The following DTNB variants were observed in gnomAD, a reference collection of about 807,000 sequenced individuals.
DTNB encodes dystrobrevin beta.
DTNB carries 63 observed loss-of-function variants against 90.7 expected under a neutral mutation model. The ratio of observed to expected loss-of-function variants is 0.69; its 90% CI spans 0.57 to 0.86. The LOEUF (loss-of-function observed/expected upper bound fraction) is 0.86. DTNB is among the 40% of genes least tolerant of loss of function. The pLI, the probability that DTNB is intolerant of heterozygous loss-of-function variation, is 0.00. For synonymous variants in DTNB, 277 were observed against 286.7 expected (o/e 0.97, Z 0.34); for missense variants, 744 against 807.1 (o/e 0.92, Z 0.95).
Position 25,383,885 on chromosome 2 carries a change from C to T in DTNB, c.1830G>A (p.Glu610=). The T allele has an allele frequency of 6.2e-7, 1 of 1,614,078 alleles. No individual in the cohort carries two copies. The highest frequency in any genetic ancestry group is 8.5e-7 in the Non-Finnish European group (1 of 1,179,904). Residue 610 remains glutamate, a synonymous_variant, in exon 19 of 21, where the codon GAG becomes GAA. Coordinates refer to ENST00000406818, the MANE Select transcript of DTNB (RefSeq NM_021907.5). ...TCTCTTCTTCTTCCTCTGCACCTTC[C>T]TCTGCTGTGAAAACAAGTCCAAGGA... ...SSLVKELHSA[E]EGAEEEEEKM...
Position 25,437,301 on chromosome 2 carries a change from G to A in DTNB, c.1258-3306C>T, listed in dbSNP as rs1015948185. On this transcript the variant is annotated intron_variant, in intron 12 of 20. Coordinates refer to ENST00000406818, the MANE Select transcript of DTNB (RefSeq NM_021907.5). Reference sequence around the variant, plus strand: ...TTTTGAGACAGAATCTTGCTGTGTCGCCCAAGCTGGAGTGCAGTGGCATGA... The same window carrying A: ...TTTTGAGACAGAATCTTGCTGTGTCACCCAAGCTGGAGTGCAGTGGCATGA... Among the ~76,000 whole-genome samples the A allele has an allele frequency of 6.0e-5, 9 of 150,516 alleles. No homozygotes were observed. The South Asian group carries it at 1.1e-3, about 18-fold the overall frequency.
chr2:25,410,851 C>T lies in DTNB; in HGVS notation c.1575+8664G>A, dbSNP rs557057056. ...AAAACGTATCTGGCCTGTGACACAACCCTCAGGAGATCCTGAGAACACATG... is the reference window on the plus strand; with the variant it reads ...AAAACGTATCTGGCCTGTGACACAATCCTCAGGAGATCCTGAGAACACATG... On this transcript the variant is annotated intron_variant, in intron 16 of 20. Coordinates refer to ENST00000406818, the MANE Select transcript of DTNB (RefSeq NM_021907.5). 1.4e-3 allele frequency among the ~76,000 whole-genome samples: 218 copies of T among 152,006 alleles called. 1 individual carries two copies. Among genetic ancestry groups the T allele is most frequent in the African/African-American group, 4.7e-3 (195 of 41,432 alleles).
intron 5 of DTNB, among the ~76,000 whole-genome samples, chr2:25,598,593 C>T (rs1159349635): frequency 2.6e-5 from 4 of 152,150 alleles, no homozygotes; most frequent in Admixed American, 2.0e-4. Context: ...TACCATTACA[C>T]CACACTCCTT....
intron 16 of DTNB, among the ~76,000 whole-genome samples, chr2:25,395,321 C>T (rs2042104525): frequency 6.6e-6 from 1 of 152,052 alleles, no homozygotes. Flanking sequence ...CAGAAATCAC[C>T]ACTAACAAAC....
At chr2:25,622,399 G>C (rs2072978571) in intron 4 of DTNB, among the ~76,000 whole-genome samples, 1 of 152,206 alleles carries the variant, frequency 6.6e-6, no homozygotes, top group African/African-American at 2.4e-5. Context: ...AGAATCGCTT[G>C]AATCCAGGAG....
intron 4 of DTNB, among the ~76,000 whole-genome samples, chr2:25,622,353 G>A (rs1453981584): frequency 1.3e-5 from 2 of 152,118 alleles, no homozygotes; most frequent in Admixed American, 6.5e-5. Context: ...GCGTGGTGGC[G>A]TATGCCTGTA....
intron 16 of DTNB, among the ~76,000 whole-genome samples, chr2:25,400,157 A>G (rs1057296324): frequency 2.1e-4 from 32 of 152,220 alleles, no homozygotes; most frequent in African/African-American, 6.3e-4. Flanking sequence ...TTCTAACTAA[A>G]TAAGTACAAA....
chr2:25,567,158 TA>T (rs964867407), intron 8 of DTNB, among the ~76,000 whole-genome samples: 31 of 151,854 alleles, frequency 2.0e-4, no homozygotes, highest in African/African-American at 5.8e-4. Flanking sequence ...TCTTATAAGT[TA>T]AAAAAAAATT....
At chr2:25,543,555 C>G (rs886175414) in intron 8 of DTNB, among the ~76,000 whole-genome samples, 1 of 152,108 alleles carries the variant, frequency 6.6e-6, no homozygotes, top group Non-Finnish European at 1.5e-5. Flanking sequence ...CTGCCCACTT[C>G]GGCCACCTAA....
intron 4 of DTNB, among the ~76,000 whole-genome samples, chr2:25,622,722 T>C (rs1233149879): frequency 6.6e-6 from 1 of 152,090 alleles, no homozygotes; most frequent in Non-Finnish European, 1.5e-5. Flanking sequence ...GGCTAGTCCT[T>C]AGACACAGGG....
At chr2:25,548,738 G>A (rs2082976135) in intron 8 of DTNB, among the ~76,000 whole-genome samples, 1 of 152,140 alleles carries the variant, frequency 6.6e-6, no homozygotes, top group Admixed American at 6.5e-5. Flanking sequence ...TGAATGAGGT[G>A]ACAAGCTCTT....
intron 8 of DTNB, among the ~76,000 whole-genome samples, chr2:25,538,983 T>C (rs954800864): frequency 6.6e-6 from 1 of 152,222 alleles, no homozygotes; most frequent in Non-Finnish European, 1.5e-5. Flanking sequence ...TTTAGATATG[T>C]ATAAAACCTG....
chr2:25,454,270 A>C (rs1054198818), intron 11 of DTNB, among the ~76,000 whole-genome samples: 2 of 152,240 alleles, frequency 1.3e-5, no homozygotes. Context: ...TATAAAGTAT[A>C]ATATTTAAAA....
At chr2:25,672,856 C>T (rs2086378459) in intron 1 of DTNB, 1 of 152,226 alleles carries the variant, frequency 6.6e-6, no homozygotes, top group Non-Finnish European at 1.5e-5. Flanking sequence ...CACCGGCATC[C>T]TCGTCTCGGG....
At chr2:25,630,068 G>A (rs894808466) in intron 3 of DTNB, among the ~76,000 whole-genome samples, 4 of 151,930 alleles carry the variant, frequency 2.6e-5, no homozygotes, top group Non-Finnish European at 5.9e-5. Context: ...TTTAAAAATG[G>A]GAAAATAATT....
intron 4 of DTNB, among the ~76,000 whole-genome samples, chr2:25,612,770 A>C (rs2068979499): frequency 6.6e-6 from 1 of 152,052 alleles, no homozygotes; most frequent in African/African-American, 2.4e-5. Flanking sequence ...GAAATAATAA[A>C]GATTATTTAA....
chr2:25,541,637 CT>C, intron 8 of DTNB, among the ~76,000 whole-genome samples: 1 of 152,276 alleles, frequency 6.6e-6, no homozygotes, highest in South Asian at 2.1e-4. Context: ...CCTTTGCCCC[CT>C]CCCTCCAGCC....
intron 9 of DTNB, among the ~76,000 whole-genome samples, chr2:25,484,743 T>C (rs2150402396): frequency 6.6e-6 from 1 of 152,348 alleles, no homozygotes; most frequent in African/African-American, 2.4e-5. Flanking sequence ...AAGTAAGACA[T>C]TTAGAATTGA....
intron 16 of DTNB, 168 bp downstream of exon 16, chr2:25,419,347 G>T: frequency 2.9e-6 from 3 of 1,024,430 alleles, no homozygotes; most frequent in Non-Finnish European, 4.4e-6. Context: ...AACATGCCTT[G>T]AACTTTTAGG....
Sources: allele counts gnomAD v4.1 joint callset (sites outside exome capture counted in the v4.1 genomes callset), GRCh38; gene constraint gnomAD v4.1.1; transcripts MANE v1.5; gene names NCBI Gene and HGNC (gene_info 2026-07-23, HGNC 2026-07-21).